Variants in NCK1 observed in about 807,000 individuals in gnomAD.
NCK1 encodes SH2/SH3 adapter protein NCK1.
In NCK1, 19 loss-of-function variants were observed where a neutral mutation model predicts 36.6. The observed-to-expected ratio is 0.52, with a 90% CI of 0.36 to 0.76. The LOEUF is 0.76. Among genes scored for constraint, NCK1 ranks in the 30% least tolerant of loss-of-function variants. The probability of loss-of-function intolerance (pLI) is 0.00; values close to 1 mark genes in which losing one functional copy is unlikely to be tolerated. For synonymous variants in NCK1, 165 were observed against 156.0 expected, an observed-to-expected ratio of 1.06 and a Z score of -0.43; for missense variants, 358 against 445.6, an observed-to-expected ratio of 0.80 and a Z score of 1.77.
At position 136,935,211 on chromosome 3, in the gene NCK1, G is replaced by T. The variant is rs1182060198; in HGVS notation, c.226+6984G>T. 2.0e-5 allele frequency among the ~76,000 whole-genome samples: 3 copies of T among 152,084 alleles called. No homozygotes were observed. In the South Asian group the frequency reaches 6.2e-4, roughly 32 times the overall value. ...CCCCGTGCTGGGCCATTCTTTTTTT[G>T]ACAATGTGTAATTAGTCTTAGACAT... On this transcript the variant is annotated intron_variant, in intron 2 of 3. Transcript: ENST00000481752.
intron 2 of NCK1, among the ~76,000 whole-genome samples, chr3:136,932,508 A>G (rs1271352488): frequency 6.6e-6 from 1 of 152,252 alleles, no homozygotes; most frequent in African/African-American, 2.4e-5. Context: ...ATGTAGATGA[A>G]GTGAACAGAT....
intron 1 of NCK1, among the ~76,000 whole-genome samples, chr3:136,890,665 T>TA (rs1220177259): frequency 6.6e-6 from 1 of 152,262 alleles, no homozygotes; most frequent in African/African-American, 2.4e-5. Flanking sequence ...TTTTCTCCCT[T>TA]ATGCCTATTA....
intron 1 of NCK1, among the ~76,000 whole-genome samples, chr3:136,875,173 C>T (rs867235010): frequency 6.6e-6 from 1 of 152,172 alleles, no homozygotes; most frequent in Middle Eastern, 3.2e-3. Context: ...AGTCTGCTCT[C>T]TGTTTGTCTG....
intron 1 of NCK1, chr3:136,900,007 C>G: frequency 6.0e-6 from 4 of 663,422 alleles, no homozygotes; most frequent in Non-Finnish European, 1.1e-5. Flanking sequence ...GAAACAAAAT[C>G]ATCATCACTG....
chr3:136,944,359 C>T (rs1433206735), intron 2 of NCK1, among the ~76,000 whole-genome samples: 1 of 152,066 alleles, frequency 6.6e-6, no homozygotes, highest in Non-Finnish European at 1.5e-5. Context: ...AGCTTGTGAT[C>T]TGCCCGCCTC....
At chr3:136,924,419 G>C (rs778540986) in intron 1 of NCK1, among the ~76,000 whole-genome samples, 1 of 152,140 alleles carries the variant, frequency 6.6e-6, no homozygotes, top group African/African-American at 2.4e-5. Context: ...ATGACATAGA[G>C]TGGGGAAAGA....
chr3:136,885,544 A>T (rs1187374911), intron 1 of NCK1, among the ~76,000 whole-genome samples: 2 of 152,122 alleles, frequency 1.3e-5, no homozygotes, highest in Non-Finnish European at 2.9e-5. Context: ...GGCTCAAGTG[A>T]TTCGTCTACC....
Position 136,948,602 on chromosome 3 carries a change from GC to G in NCK1, c.*152del. The G allele has an allele frequency of 1.5e-6, 1 of 661,486 alleles. No homozygotes were observed. The highest frequency in any genetic ancestry group is 2.6e-6 in the Non-Finnish European group (1 of 390,042). 41.0% of individuals were successfully genotyped at this position (661,486 alleles called of 1,614,324 possible). ...CAATAAGTATTTTTATTATAACTCA[GC>G]CCATACATATATACTATGTATGCAG... On this transcript the variant is annotated 3_prime_UTR_variant, in exon 4 of 4. Coordinates refer to ENST00000481752, the MANE Select transcript of NCK1 (RefSeq NM_001291999.2).
In NCK1 at chr3:136,892,441, A is replaced by G. The variant is rs187601527; in HGVS notation, c.-19+30088A>G. Among the ~76,000 whole-genome samples the G allele has an allele frequency of 4.2e-4, 64 of 152,358 alleles. 1 individual carries two copies. In the South Asian group the frequency reaches 9.1e-3, roughly 22 times the overall value. On this transcript the variant is annotated intron_variant, in intron 1 of 3. Transcript: ENST00000481752. ...TATCTGAGTGGGCTCTGGTAATCAC[A>G]AGAGTCCTTATCAGAGGGAATCAAT...
intron 1 of NCK1, among the ~76,000 whole-genome samples, chr3:136,875,239 CTT>C (rs1422678867): frequency 6.6e-6 from 1 of 152,138 alleles, no homozygotes; most frequent in Non-Finnish European, 1.5e-5. Flanking sequence ...TATCCTGAGA[CTT>C]TGCTGAAGTT....
chr3:136,935,543 C>T (rs1331756874), intron 2 of NCK1, among the ~76,000 whole-genome samples: 1 of 151,894 alleles, frequency 6.6e-6, no homozygotes, highest in African/African-American at 2.4e-5. Context: ...GATGATGGGT[C>T]GACTGAGGGA....
intron 1 of NCK1, among the ~76,000 whole-genome samples, chr3:136,913,889 C>T (rs1208245600): frequency 2.0e-5 from 3 of 152,132 alleles, no homozygotes; most frequent in African/African-American, 4.8e-5. Context: ...AGGATGGTCT[C>T]GATCTCCTGA....
intron 2 of NCK1, among the ~76,000 whole-genome samples, chr3:136,942,212 T>C (rs1450513392): frequency 1.3e-5 from 2 of 152,234 alleles, no homozygotes; most frequent in African/African-American, 2.4e-5. Context: ...GAATGTCTTA[T>C]GTTCTCCTTC....
At position 136,946,279 on chromosome 3, in the gene NCK1, G is replaced by A. The variant is rs749932433; in HGVS notation, c.923G>A (p.Arg308His). Residue 308 changes from arginine (R) to histidine (H), a missense_variant, in exon 3 of 4, where the codon CGT (arginine) becomes CAT (histidine). Physicochemically the swap from Arg to His is conservative, Grantham distance 29. Around this residue, in one of 3 missense-constraint regions of NCK1, gnomAD observed 207 missense variants for 253.4 expected, o/e 0.82. Coordinates refer to ENST00000481752, the MANE Select transcript of NCK1 (RefSeq NM_001291999.2). The stretch of plus-strand genomic sequence containing the variant: ...GGACATGAAGGGGATTTCCTCATTC[G>A]TGATAGTGAATCTTCGGTAAGTTGA... ...ERGHEGDFLI[R>H]DSESSPNDFS... 13 of 1,610,114 alleles carry A rather than the reference G, an allele frequency of 8.1e-6. No homozygotes were observed. Among genetic ancestry groups the A allele is most frequent in the African/African-American group, 1.3e-5 (1 of 74,724 alleles).
At chr3:136,933,705 G>A (rs887386323) in intron 2 of NCK1, among the ~76,000 whole-genome samples, 9 of 97,200 alleles carry the variant, frequency 9.3e-5, no homozygotes, top group African/African-American at 3.1e-4. Context: ...AAAGATTTAA[G>A]TAATCTTTTT....
intron 1 of NCK1, among the ~76,000 whole-genome samples, chr3:136,923,740 A>T (rs1036396858): frequency 2.0e-5 from 3 of 152,160 alleles, no homozygotes; most frequent in African/African-American, 7.2e-5. Flanking sequence ...TAATGTTCAA[A>T]CATGTTTGAT....
At chr3:136,937,283 G>T (rs1375327024) in intron 2 of NCK1, among the ~76,000 whole-genome samples, 1 of 152,258 alleles carries the variant, frequency 6.6e-6, no homozygotes, top group Non-Finnish European at 1.5e-5. Flanking sequence ...AGATCCATGG[G>T]TTTATTTTAG....
chr3:136,898,120 G>T lies in NCK1; in HGVS notation c.-18-29864G>T, dbSNP rs78676139. Reference sequence around the variant, plus strand: ...TCAGAAGCAGGTGGCTGTTGGTGGGGTGCAGTGGCTCACACCTGTAATCCC... The same window carrying T: ...TCAGAAGCAGGTGGCTGTTGGTGGGTTGCAGTGGCTCACACCTGTAATCCC... On this transcript the variant is annotated intron_variant, in intron 1 of 3. Transcript: ENST00000481752. Among the ~76,000 whole-genome samples, 254 of 152,270 alleles carry T rather than the reference G, an allele frequency of 1.7e-3. 4 individuals are homozygous for T. In the East Asian group the frequency reaches 0.046, roughly 27 times the overall value.
chr3:136,946,361 A>G, intron 3 of NCK1, 66 bp downstream of exon 3: 1 of 1,391,536 alleles, frequency 7.2e-7, no homozygotes. Flanking sequence ...GAGAGAGAGA[A>G]ATGGAGAGGT....
Sources: allele counts gnomAD v4.1 joint callset (sites outside exome capture counted in the v4.1 genomes callset), GRCh38; gene constraint gnomAD v4.1.1; regional missense constraint gnomAD v4.1.1; transcripts MANE v1.5; gene names NCBI Gene and HGNC (gene_info 2026-07-23, HGNC 2026-07-21).